The following PREX1 variants were observed in gnomAD, a reference collection of about 807,000 sequenced individuals.
The protein encoded by PREX1 is phosphatidylinositol 3,4,5-trisphosphate-dependent Rac exchanger 1 protein.
In PREX1, 41 loss-of-function variants were observed where a neutral mutation model predicts 198.3. The ratio of observed to expected loss-of-function variants is 0.21; its 90% CI spans 0.16 to 0.27. The LOEUF is 0.27. PREX1 is among the 10% of genes least tolerant of loss of function. PREX1 has a pLI of 1.00. For missense variants in PREX1, 1,620 were observed against 2,200.7 expected, an observed-to-expected ratio of 0.74 and a Z score of 5.28; for synonymous variants, 843 against 887.2, an observed-to-expected ratio of 0.95 and a Z score of 0.89.
At chr20:48,831,068 T>G (rs1014459341), upstream of PREX1, among the ~76,000 whole-genome samples, 1 of 152,112 alleles carries the variant, frequency 6.6e-6, no homozygotes, top group Non-Finnish European at 1.5e-5. Flanking sequence ...CCTTTGACCC[T>G]CCTATCCTCA....
chr20:48,841,310 C>T, the PREX1 span, among the ~76,000 whole-genome samples: 2 of 152,194 alleles, frequency 1.3e-5, no homozygotes, highest in Non-Finnish European at 2.9e-5. Context: ...CTTTGCAAGT[C>T]ATACAGTATC....
the PREX1 span, among the ~76,000 whole-genome samples, chr20:48,859,770 C>A: frequency 6.6e-6 from 1 of 152,198 alleles, no homozygotes; most frequent in Non-Finnish European, 1.5e-5. Flanking sequence ...GTAATCCCAG[C>A]ACTTTGGGAG....
chr20:48,742,898 A>AG (rs1382153067), intron 3 of PREX1, among the ~76,000 whole-genome samples: 1 of 152,174 alleles, frequency 6.6e-6, no homozygotes, highest in Non-Finnish European at 1.5e-5. Flanking sequence ...CAAAGGAATG[A>AG]GGGGGGCCAG....
intron 3 of PREX1, among the ~76,000 whole-genome samples, chr20:48,738,911 G>GC (rs2090068989): frequency 6.6e-6 from 1 of 152,104 alleles, no homozygotes; most frequent in African/African-American, 2.4e-5. Flanking sequence ...GGGGAGGAGA[G>GC]AAGTGAGAAT....
Position 48,729,861 on chromosome 20 carries a change from T to C in PREX1, c.520-3470A>G, listed in dbSNP as rs144988180. On this transcript the variant is annotated intron_variant, in intron 4 of 39. Coordinates refer to ENST00000371941, the MANE Select transcript of PREX1 (RefSeq NM_020820.4). ...CAACCTTATTTGGAAATTGGATCTT[T>C]ACAGATGTATGGTAATTAGTTAAAA... 9.2e-5 allele frequency among the ~76,000 whole-genome samples: 14 copies of C among 152,298 alleles called. No individual in the cohort carries two copies. In the East Asian group the frequency reaches 1.9e-3, roughly 21 times the overall value.
intron 1 of PREX1, among the ~76,000 whole-genome samples, chr20:48,809,617 GTTC>G (rs1323543663): frequency 6.6e-6 from 1 of 152,182 alleles, no homozygotes; most frequent in Non-Finnish European, 1.5e-5. Context: ...CTTTATTATT[GTTC>G]TTGTTATTTC....
At position 48,666,317 on chromosome 20, in the gene PREX1, G is replaced by A. The variant is rs534377930; in HGVS notation, c.1704C>T (p.Gly568=). 89 of 1,570,792 alleles carry A rather than the reference G, an allele frequency of 5.7e-5. 3 individuals carry two copies. Among genetic ancestry groups the A allele is most frequent in the South Asian group, 4.3e-4 (37 of 85,458 alleles). The change falls in exon 15 of 40, where the codon GGC becomes GGT. Residue 568 remains glycine (G), a synonymous_variant. Transcript: ENST00000371941. The surrounding 1 kb of genome is among the most constrained non-coding windows in gnomAD (Gnocchi z 4.3). ...CQTREEAVAL[G]VGLCNNGFMH... ...TGAAGCCATTGTTGCACAGACCCAC[G>A]CCGAGCGCCACTGCCTCCTCCCGAG...
At chr20:48,679,501 G>T in intron 12 of PREX1, 92 bp from the exon 13 acceptor site, 1 of 1,456,798 alleles carries the variant, frequency 6.9e-7, no homozygotes, top group Non-Finnish European at 9.6e-7. Context: ...CTTCCAGGAC[G>T]GGGCAGGGCA....
At position 48,679,371 on chromosome 20, in the gene PREX1, G is replaced by C. The variant is rs758335434; in HGVS notation, c.1578C>G (p.Thr526=). 2 of 1,613,236 alleles carry C rather than the reference G, an allele frequency of 1.2e-6. No individual in the cohort carries two copies. The highest frequency in any genetic ancestry group is 3.3e-5 in the Admixed American group (2 of 59,990). The change falls in exon 13 of 40, where the codon ACC becomes ACG. Residue 526 remains threonine (T), a synonymous_variant. Coordinates refer to ENST00000371941, the MANE Select transcript of PREX1 (RefSeq NM_020820.4). ...RLYCRLHSLY[T]PVIKDRDYHL... ...AAAGAGTAACTTACTTGATCACCGG[G>C]GTGTAGAGGCTGTGAAGACGGCAGT...
At chr20:48,627,415 A>G in intron 39 of PREX1, 133 bp downstream of exon 39, 1 of 1,030,126 alleles carries the variant, frequency 9.7e-7, no homozygotes, top group African/African-American at 1.6e-5. Flanking sequence ...TTGCTCCTCA[A>G]AGAGGTTCCC....
At chr20:48,862,807 A>ATATATATATATATATATATATATGTGTG in the PREX1 span, among the ~76,000 whole-genome samples, 1 of 126,682 alleles carries the variant, frequency 7.9e-6, no homozygotes, top group African/African-American at 3.2e-5. Context: ...ATATATATAT[A>ATATATATATATATATATATATATGTGTG]TATATACTAA....
At chr20:48,674,811 G>A (rs73911625) in intron 14 of PREX1, among the ~76,000 whole-genome samples, 11 of 152,184 alleles carry the variant, frequency 7.2e-5, no homozygotes, top group Admixed American at 2.6e-4. Context: ...AAACACCTTC[G>A]GGATATTGCA....
intron 26 of PREX1, among the ~76,000 whole-genome samples, chr20:48,645,201 T>G (rs562289265): frequency 6.6e-6 from 1 of 152,312 alleles, no homozygotes; most frequent in South Asian, 2.1e-4. Context: ...TCTCAAACTG[T>G]ATCAGTTCTG....
rs543102869 is a variant in PREX1 at position 48,766,907 on chromosome 20, C to T, written c.220-19027G>A. ...AATAGACACTGTGTGATAACACTGCCGGCTTCATGGATTACCATGAGGACT... is the reference window on the plus strand; with the variant it reads ...AATAGACACTGTGTGATAACACTGCTGGCTTCATGGATTACCATGAGGACT... On this transcript the variant is annotated intron_variant, in intron 1 of 39. Transcript: ENST00000371941. 8.5e-5 allele frequency among the ~76,000 whole-genome samples: 13 copies of T among 152,232 alleles called. 1 individual carries two copies. The highest frequency in any genetic ancestry group is 1.3e-4 in the Admixed American group (2 of 15,290).
At chr20:48,845,794 G>T in the PREX1 span, among the ~76,000 whole-genome samples, 1 of 152,054 alleles carries the variant, frequency 6.6e-6, no homozygotes, top group South Asian at 2.1e-4. Flanking sequence ...TCCAGAAGCC[G>T]CGAGGAGGCC....
At chr20:48,797,756 C>T (rs1307690068) in intron 1 of PREX1, among the ~76,000 whole-genome samples, 1 of 152,240 alleles carries the variant, frequency 6.6e-6, no homozygotes, top group Non-Finnish European at 1.5e-5. Context: ...AATGGCAGCT[C>T]TGTCCCGACT....
chr20:48,836,902 CAAAAAAAA>C, the PREX1 span, among the ~76,000 whole-genome samples: 1 of 56,072 alleles, frequency 1.8e-5, no homozygotes, highest in African/African-American at 7.9e-5. Context: ...ACTCTGTCTC[CAAAAAAAA>C]AAAAAAAAAA....
chr20:48,729,978 A>C (rs1468576651), intron 4 of PREX1, among the ~76,000 whole-genome samples: 3 of 152,198 alleles, frequency 2.0e-5, no homozygotes, highest in African/African-American at 7.2e-5. Context: ...ATGTGAAGAC[A>C]GAGGCAGAGA....
chr20:48,885,639 C>A, the PREX1 span, among the ~76,000 whole-genome samples: 1 of 145,652 alleles, frequency 6.9e-6, no homozygotes, highest in Admixed American at 7.4e-5. Flanking sequence ...TTGCCAAAAT[C>A]TTGGAAGCAA....
Sources: gnomAD v4.1 joint callset for allele counts (sites outside exome capture counted in the v4.1 genomes callset) on GRCh38, gnomAD v4.1.1 for gene constraint, Gnocchi (gnomAD v3.1) non-coding constraint, MANE v1.5 for transcripts, NCBI Gene and HGNC (gene_info 2026-07-23, HGNC 2026-07-21) for gene names.